CAPZA2: variants seen among roughly 807,000 people sequenced by gnomAD.
CAPZA2 encodes the protein capping actin protein of muscle Z-line subunit alpha 2, also known as F-actin-capping protein subunit alpha-2.
CAPZA2 carries 13 observed loss-of-function variants against 44.0 expected under a neutral mutation model. That is an observed-to-expected ratio of 0.30 (90% CI 0.19 to 0.47). The LOEUF is 0.47. Among genes scored for constraint, CAPZA2 ranks in the 20% least tolerant of loss-of-function variants. CAPZA2 has a pLI of 1.00. For missense variants in CAPZA2, 244 were observed against 338.6 expected (o/e 0.72, Z 2.19); for synonymous variants, 94 against 108.2 (o/e 0.87, Z 0.81).
intron 1 of CAPZA2, chr7:116,880,190 A>T: frequency 2.3e-6 from 1 of 444,348 alleles, no homozygotes; most frequent in African/African-American, 2.1e-5. Context: ...AAAAGTACTC[A>T]TTTGTCTTGC....
rs965703447 is a variant in CAPZA2 at position 116,912,411 on chromosome 7, A to G, written c.657+271A>G. ...ACAGGGTTGGACAGCAGTCACCACA[A>G]TCTAATTTTAGAACATTTTCATGCT... On this transcript the variant is annotated intron_variant, in intron 8 of 9. Coordinates refer to ENST00000361183, the MANE Select transcript of CAPZA2 (RefSeq NM_006136.3). Among the ~76,000 whole-genome samples, 19 of 152,196 alleles carry G rather than the reference A, an allele frequency of 1.2e-4. 1 individual carries two copies. The South Asian group carries it at 3.3e-3, about 27-fold the overall frequency.
intron 1 of CAPZA2, among the ~76,000 whole-genome samples, chr7:116,870,016 G>A (rs1394935616): frequency 2.6e-5 from 4 of 152,072 alleles, no homozygotes; most frequent in African/African-American, 9.7e-5. Flanking sequence ...AGGAGCTCAC[G>A]TCACTTCTGC....
At chr7:116,885,013 G>A (rs921039795) in intron 1 of CAPZA2, among the ~76,000 whole-genome samples, 2 of 152,028 alleles carry the variant, frequency 1.3e-5, no homozygotes, top group Admixed American at 6.6e-5. Context: ...GCATCTTTTT[G>A]TGCATTTATC....
intron 1 of CAPZA2, among the ~76,000 whole-genome samples, chr7:116,866,978 C>G (rs1232661182): frequency 6.6e-6 from 1 of 152,100 alleles, no homozygotes; most frequent in African/African-American, 2.4e-5. Flanking sequence ...ATCTTTATTC[C>G]CATTATTCCA....
chr7:116,908,502 A>G (rs891995369), intron 6 of CAPZA2, among the ~76,000 whole-genome samples: 8 of 152,188 alleles, frequency 5.3e-5, no homozygotes, highest in Admixed American at 5.2e-4. Flanking sequence ...AGGCTAGGAC[A>G]TATTGGCCAT....
intron 1 of CAPZA2, among the ~76,000 whole-genome samples, chr7:116,887,915 A>G (rs1796784818): frequency 6.6e-6 from 1 of 152,238 alleles, no homozygotes; most frequent in South Asian, 2.1e-4. Flanking sequence ...TCAGTATTGT[A>G]TATTTTATCT....
chr7:116,913,350 C>A (rs919966135), intron 8 of CAPZA2, among the ~76,000 whole-genome samples: 3 of 152,118 alleles, frequency 2.0e-5, no homozygotes, highest in Non-Finnish European at 2.9e-5. Flanking sequence ...TCGTGGAGAT[C>A]TACTCCAGTG....
chr7:116,864,666 A>G (rs1450408091), intron 1 of CAPZA2, among the ~76,000 whole-genome samples: 1 of 152,140 alleles, frequency 6.6e-6, no homozygotes, highest in Non-Finnish European at 1.5e-5. Flanking sequence ...TGTGTCCAGT[A>G]TGGGATCAGA....
At chr7:116,879,751 G>C (rs756832716) in intron 1 of CAPZA2, among the ~76,000 whole-genome samples, 1 of 152,058 alleles carries the variant, frequency 6.6e-6, no homozygotes, top group African/African-American at 2.4e-5. Flanking sequence ...CCTGGGGTTT[G>C]GGGACCCCTG....
chr7:116,889,252 A>G (rs1796800835), intron 2 of CAPZA2, among the ~76,000 whole-genome samples: 1 of 152,184 alleles, frequency 6.6e-6, no homozygotes, highest in African/African-American at 2.4e-5. Flanking sequence ...AAAATACATT[A>G]CTTTCAAGTA....
chr7:116,868,915 T>A (rs946065311), intron 1 of CAPZA2, among the ~76,000 whole-genome samples: 1 of 152,232 alleles, frequency 6.6e-6, no homozygotes, highest in Non-Finnish European at 1.5e-5. Flanking sequence ...GTGGAGTTTT[T>A]CAGACTTTGT....
chr7:116,865,841 A>G (rs1007084439), intron 1 of CAPZA2, among the ~76,000 whole-genome samples: 1 of 152,160 alleles, frequency 6.6e-6, no homozygotes, highest in Non-Finnish European at 1.5e-5. Flanking sequence ...TGGGCATCCT[A>G]AAGTGCTGGG....
chr7:116,879,994 C>T, intron 1 of CAPZA2: 1 of 402,882 alleles, frequency 2.5e-6, no homozygotes. Context: ...TTGCCAGGCA[C>T]CATTCTAAGC....
chr7:116,880,548 C>T (rs1271494207), intron 1 of CAPZA2, among the ~76,000 whole-genome samples: 1 of 151,322 alleles, frequency 6.6e-6, no homozygotes, highest in Non-Finnish European at 1.5e-5. Context: ...CAGGCACCTG[C>T]CACCGTGCCC....
chr7:116,885,241 G>T (rs556733710), intron 1 of CAPZA2, among the ~76,000 whole-genome samples: 5 of 151,772 alleles, frequency 3.3e-5, no homozygotes, highest in Non-Finnish European at 5.9e-5. Flanking sequence ...AATAAGTCCA[G>T]CTCACTAGTT....
chr7:116,886,123 G>A (rs1397992598), intron 1 of CAPZA2: 4 of 154,726 alleles, frequency 2.6e-5, no homozygotes, highest in African/African-American at 9.6e-5. Context: ...AACAAAAATG[G>A]TATTTAAATT....
intron 2 of CAPZA2, among the ~76,000 whole-genome samples, chr7:116,891,852 G>C (rs1410703816): frequency 1.3e-5 from 2 of 152,180 alleles, no homozygotes; most frequent in African/African-American, 4.8e-5. Flanking sequence ...CTGAAAAGAG[G>C]TGAGGTATGT....
At chr7:116,910,127 A>G (rs1791571416) in intron 6 of CAPZA2, 106 bp from the exon 7 acceptor site, 2 of 725,370 alleles carry the variant, frequency 2.8e-6, no homozygotes, top group Non-Finnish European at 5.1e-6. Flanking sequence ...TCCAGTATTC[A>G]TCCCCCACAC....
At chr7:116,916,664 G>T (rs1371343430) in intron 9 of CAPZA2, among the ~76,000 whole-genome samples, 3 of 151,924 alleles carry the variant, frequency 2.0e-5, no homozygotes, top group East Asian at 3.9e-4. Context: ...CATAATTTCT[G>T]AGTGCAGATT....
Sources: gnomAD v4.1 joint callset for allele counts (sites outside exome capture counted in the v4.1 genomes callset) on GRCh38, gnomAD v4.1.1 for gene constraint, MANE v1.5 for transcripts, NCBI Gene and HGNC (gene_info 2026-07-23, HGNC 2026-07-21) for gene names.